Variants in PTPRD observed in about 807,000 individuals in gnomAD.
PTPRD encodes the protein protein tyrosine phosphatase receptor type D.
Under a neutral mutation model 214.5 loss-of-function variants are expected in PTPRD, and 34 were observed. That is an observed-to-expected ratio of 0.16 (90% CI 0.12 to 0.21). The LOEUF is 0.21. Among genes scored for constraint, PTPRD ranks in the 10% least tolerant of loss-of-function variants. The probability of loss-of-function intolerance (pLI) is 1.00; values close to 1 mark genes in which losing one functional copy is unlikely to be tolerated. For missense variants in PTPRD, 2,545 were observed against 2,398.7 expected, an observed-to-expected ratio of 1.06 and a Z score of -1.27; for synonymous variants, 1,128 against 845.7, an observed-to-expected ratio of 1.33 and a Z score of -5.79.
At chr9:9,019,260 C>G (rs927690474) in intron 10 of PTPRD, among the ~76,000 whole-genome samples, 1 of 99,600 alleles carries the variant, frequency 1.0e-5, no homozygotes, top group African/African-American at 4.1e-5. Flanking sequence ...ATAATGTTAT[C>G]AAGAAAGAAA....
intron 3 of PTPRD, among the ~76,000 whole-genome samples, chr9:10,064,745 C>T (rs1045787197): frequency 6.6e-6 from 1 of 151,922 alleles, no homozygotes. Flanking sequence ...ACACCCTAAA[C>T]CTCAGCATAA....
chr9:8,756,245 T>G (rs1056971368), intron 11 of PTPRD, among the ~76,000 whole-genome samples: 1 of 152,208 alleles, frequency 6.6e-6, no homozygotes, highest in Non-Finnish European at 1.5e-5. Context: ...CTGGTTGCTC[T>G]GTTTTATAGC....
chr9:9,704,779 C>T (rs1021594341), intron 7 of PTPRD, among the ~76,000 whole-genome samples: 6 of 152,164 alleles, frequency 3.9e-5, no homozygotes, highest in Non-Finnish European at 4.4e-5. Flanking sequence ...GCCTAGGCTA[C>T]TAGCCATACC....
intron 8 of PTPRD, among the ~76,000 whole-genome samples, chr9:9,544,137 G>C (rs187384218): frequency 2.0e-5 from 3 of 151,594 alleles, no homozygotes; most frequent in Non-Finnish European, 3.0e-5. Flanking sequence ...GTGAGCATTA[G>C]GAAGCCTGTT....
rs554777866 is a variant in PTPRD at position 9,293,232 on chromosome 9, A to G, written c.-203+104217T>C. On this transcript the variant is annotated intron_variant, in intron 9 of 45. Coordinates refer to ENST00000381196, the MANE Select transcript of PTPRD (RefSeq NM_002839.4). ...CAATTCATTTACCTATTTAATCATT[A>G]ACATATGTCAGTATGGATTCATGAT... 2.0e-5 allele frequency among the ~76,000 whole-genome samples: 3 copies of G among 151,716 alleles called. No individual in the cohort carries two copies. In the East Asian group the frequency reaches 5.9e-4, roughly 30 times the overall value.
chr9:8,986,445 A>G (rs2099345560), intron 11 of PTPRD, among the ~76,000 whole-genome samples: 1 of 151,838 alleles, frequency 6.6e-6, no homozygotes, highest in African/African-American at 2.4e-5. Context: ...AAATATATAT[A>G]TTATATGCAT....
At chr9:10,545,138 G>A (rs2059924158) in intron 2 of PTPRD, among the ~76,000 whole-genome samples, 1 of 152,104 alleles carries the variant, frequency 6.6e-6, no homozygotes, top group African/African-American at 2.4e-5. Flanking sequence ...CTCCCACAAG[G>A]GTGTGGTTTC....
chr9:9,679,286 A>G (rs1381953589), intron 7 of PTPRD, among the ~76,000 whole-genome samples: 1 of 151,680 alleles, frequency 6.6e-6, no homozygotes, highest in Non-Finnish European at 1.5e-5. Flanking sequence ...TTTGCTACAC[A>G]CAAAAGATGG....
At chr9:10,433,610 G>C (rs959381804) in intron 2 of PTPRD, among the ~76,000 whole-genome samples, 1 of 151,946 alleles carries the variant, frequency 6.6e-6, no homozygotes, top group South Asian at 2.1e-4. Flanking sequence ...TGGAAAACTT[G>C]TCACCTAATT....
chr9:10,515,086 T>C (rs1386990654), intron 2 of PTPRD, among the ~76,000 whole-genome samples: 1 of 151,936 alleles, frequency 6.6e-6, no homozygotes, highest in Non-Finnish European at 1.5e-5. Flanking sequence ...CTACATATAA[T>C]ATTATCCCAC....
At chr9:9,834,275 A>G (rs1481268886) in intron 5 of PTPRD, among the ~76,000 whole-genome samples, 2 of 152,030 alleles carry the variant, frequency 1.3e-5, no homozygotes, top group Admixed American at 1.3e-4. Flanking sequence ...GGACTATGTA[A>G]CAGTCATTCA....
intron 7 of PTPRD, among the ~76,000 whole-genome samples, chr9:9,663,471 T>C (rs2096657470): frequency 6.6e-6 from 1 of 151,478 alleles, no homozygotes; most frequent in African/African-American, 2.4e-5. Context: ...AGAAAAAAAT[T>C]ATCCACTTCA....
At chr9:10,188,931 G>C (rs1179785994) in intron 3 of PTPRD, among the ~76,000 whole-genome samples, 1 of 152,108 alleles carries the variant, frequency 6.6e-6, no homozygotes, top group Non-Finnish European at 1.5e-5. Context: ...GCTTTGCCTG[G>C]GGTCACTCAG....
At chr9:8,501,862 T>C (rs764995391) in intron 23 of PTPRD, among the ~76,000 whole-genome samples, 5 of 152,176 alleles carry the variant, frequency 3.3e-5, no homozygotes, top group African/African-American at 9.7e-5. Flanking sequence ...TGAGACACCA[T>C]TGCTAGTGAA....
intron 4 of PTPRD, among the ~76,000 whole-genome samples, chr9:10,022,502 T>C (rs192276335): frequency 2.0e-5 from 3 of 152,216 alleles, no homozygotes; most frequent in African/African-American, 4.8e-5. Flanking sequence ...ATTAGGTTGA[T>C]GCAAAAGTAA....
intron 5 of PTPRD, among the ~76,000 whole-genome samples, chr9:9,845,139 TATATATATTGCTCTATATATAGAGCA>T (rs2059252297): frequency 5.1e-4 from 3 of 5,856 alleles, no homozygotes; most frequent in Non-Finnish European, 9.0e-4. Context: ...GAGCAATATA[TATATATATTGCTCTATATATAGAGCA>T]ATATATATAT....
rs115996228 is a variant in PTPRD, at chr9:8,697,245, A to T, written c.64+36535T>A. On this transcript the variant is annotated intron_variant, in intron 12 of 45. Coordinates refer to ENST00000381196, the MANE Select transcript of PTPRD (RefSeq NM_002839.4). ...GGAAAAGGGAGAAAAGGGCTTTTACATTCCCTTCATGTACCATCCTCAGCT... is the reference window on the plus strand; with the variant it reads ...GGAAAAGGGAGAAAAGGGCTTTTACTTTCCCTTCATGTACCATCCTCAGCT... 8.5e-3 allele frequency among the ~76,000 whole-genome samples: 1,289 copies of T among 152,168 alleles called. 23 individuals are homozygous for T. Among genetic ancestry groups the T allele is most frequent in the African/African-American group, 0.029 (1,223 of 41,510 alleles).
At chr9:10,296,872 G>T (rs1159423936) in intron 3 of PTPRD, among the ~76,000 whole-genome samples, 1 of 151,798 alleles carries the variant, frequency 6.6e-6, no homozygotes, top group East Asian at 1.9e-4. Flanking sequence ...TTAAGGTTTT[G>T]TTGACCACTT....
In PTPRD at chr9:10,341,022, A is replaced by C. The variant is rs1242458168; in HGVS notation, c.-599-5T>G. 1 of 151,982 alleles carries C rather than the reference A, an allele frequency of 6.6e-6. No individual in the cohort carries two copies. The highest frequency in any genetic ancestry group is 2.4e-5 in the African/African-American group (1 of 41,434). 9.4% of individuals were successfully genotyped at this position (151,982 alleles called of 1,614,324 possible). A position where few individuals can be genotyped will look rare whatever the true frequency, so the allele number is the denominator to read the frequency against. ...CTTGATTCTTCACTTCTTCACCTGC[A>C]AAAATGAGGACATTGGGCTAGATCC... On this transcript the variant is annotated splice_polypyrimidine_tract_variant and splice_region_variant and intron_variant, in intron 2 of 45. Coordinates refer to ENST00000381196, the MANE Select transcript of PTPRD (RefSeq NM_002839.4).
Sources: gnomAD v4.1 joint callset for allele counts (sites outside exome capture counted in the v4.1 genomes callset) on GRCh38, gnomAD v4.1.1 for gene constraint, MANE v1.5 for transcripts, NCBI Gene and HGNC (gene_info 2026-07-23, HGNC 2026-07-21) for gene names.